ADAMTS19: variants seen among roughly 807,000 people sequenced by gnomAD.
ADAMTS19 encodes ADAM metallopeptidase with thrombospondin type 1 motif 19.
A neutral mutation model predicts 153.3 loss-of-function variants in ADAMTS19; 93 were observed. The observed-to-expected ratio is 0.61, with a 90% CI of 0.51 to 0.72. ADAMTS19 has a LOEUF of 0.72. Ranked by LOEUF, ADAMTS19 falls within the 30% of genes least tolerant of loss-of-function variation. The pLI is 0.00. For synonymous variants in ADAMTS19, 600 were observed against 556.6 expected (o/e 1.08, Z -1.10); for missense variants, 1,482 against 1,552.1 (o/e 0.95, Z 0.76).
intron 3 of ADAMTS19, among the ~76,000 whole-genome samples, chr5:129,520,995 G>A (rs1188286575): frequency 1.3e-5 from 2 of 152,056 alleles, no homozygotes; most frequent in African/African-American, 2.4e-5. Context: ...TATTTTATAT[G>A]CTTATAGCTT....
chr5:129,633,212 AAAGTTTC>A (rs74821809), intron 10 of ADAMTS19, among the ~76,000 whole-genome samples: 24,807 of 152,008 alleles, frequency 0.16, 2,254 homozygotes, highest in East Asian at 0.31. Context: ...ATCTAAAGTG[AAAGTTTC>A]AATTTACTTT....
At chr5:129,668,337 T>C (rs1419820003) in intron 16 of ADAMTS19, among the ~76,000 whole-genome samples, 1 of 152,214 alleles carries the variant, frequency 6.6e-6, no homozygotes, top group African/African-American at 2.4e-5. Context: ...ATCTAGTTTG[T>C]TTGTGCTGCT....
At chr5:129,568,093 A>G (rs1753775875) in intron 7 of ADAMTS19, among the ~76,000 whole-genome samples, 1 of 152,318 alleles carries the variant, frequency 6.6e-6, no homozygotes, top group South Asian at 2.1e-4. Flanking sequence ...AAGAAAAACT[A>G]AGAGAATTCA....
At chr5:129,703,218 GA>G (rs1351420276) in intron 20 of ADAMTS19, among the ~76,000 whole-genome samples, 1 of 150,368 alleles carries the variant, frequency 6.7e-6, no homozygotes, top group Admixed American at 6.7e-5. Flanking sequence ...TAGACAACAG[GA>G]ATACTTCATA....
intron 15 of ADAMTS19, among the ~76,000 whole-genome samples, chr5:129,661,835 G>A (rs1753826652): frequency 6.6e-6 from 1 of 152,160 alleles, no homozygotes; most frequent in African/African-American, 2.4e-5. Flanking sequence ...GTATAAGGAG[G>A]ACATGCTGTA....
chr5:129,694,712 C>G lies in ADAMTS19; in HGVS notation c.2819-8C>G. The G allele has an allele frequency of 1.3e-6, 2 of 1,542,102 alleles. No individual in the cohort carries two copies. Among genetic ancestry groups the G allele is most frequent in the Non-Finnish European group, 1.8e-6 (2 of 1,142,832 alleles). On this transcript the variant is annotated splice_region_variant and splice_polypyrimidine_tract_variant and intron_variant, in intron 18 of 22. Coordinates refer to ENST00000274487, the MANE Select transcript of ADAMTS19 (RefSeq NM_133638.6). ...AATAATATTTCTTTGTTTATTTGTT[C>G]TTTTCAGGAGAAAGGAAGACAACAG... is the stretch of plus-strand genomic sequence containing the variant.
Position 129,461,473 on chromosome 5 carries a change from C to A in ADAMTS19, c.463C>A (p.Pro155Thr), listed in dbSNP as rs906026180. The change falls in exon 2 of 23, where the codon CCC (proline) becomes ACC (threonine). Residue 155 changes from proline to threonine, a missense_variant. Physicochemically the swap from Pro to Thr is conservative, Grantham distance 38. Transcript: ENST00000274487. The surrounding 1 kb of genome is among the most constrained non-coding windows in gnomAD (Gnocchi z 4.6). ...SWQPPPPPQP[P>T]PSPPPAQHAE... ...GCAGCCGCCGCCTCCCCCGCAGCCG[C>A]CCCCGTCCCCGCCCCCGGCCCAGCA... is the stretch of plus-strand genomic sequence containing the variant. 3 of 1,474,090 alleles carry A rather than the reference C, an allele frequency of 2.0e-6. No individual in the cohort carries two copies. The highest frequency in any genetic ancestry group is 2.7e-6 in the Non-Finnish European group (3 of 1,121,776). The allele number at this position is 1,474,090 out of a possible 1,614,324, so 91.3% of individuals were successfully genotyped here.
In ADAMTS19 at chr5:129,679,775, G is replaced by T. The variant is rs768694128; in HGVS notation, c.2518G>T (p.Ala840Ser). ...PAHSYLALRDAGKQSINSDWK... is the reference protein window; with the variant it reads ...PAHSYLALRDSGKQSINSDWK... The stretch of plus-strand genomic sequence containing the variant: ...GAACCTCTTTATAGCTCTCCGAGAT[G>T]CTGGCAAACAGTCTATTAATAGTGA... The change falls in exon 17 of 23, where the codon GCT becomes TCT. Residue 840 changes from alanine (A) to serine (S), a missense_variant. Physicochemically the swap from Ala to Ser is moderately conservative, Grantham distance 99 (BLOSUM62 1). This residue lies in a region of ADAMTS19 where 616 missense variants were observed against 724.4 expected (regional missense o/e 0.85). Transcript: ENST00000274487. 1.2e-6 allele frequency: 2 copies of T among 1,610,368 alleles called. No homozygotes were observed. Among genetic ancestry groups the T allele is most frequent in the Non-Finnish European group, 1.7e-6 (2 of 1,178,632 alleles).
At chr5:129,471,168 C>T (rs7733098) in intron 2 of ADAMTS19, among the ~76,000 whole-genome samples, 61,359 of 151,310 alleles carry the variant, frequency 0.41, 15,656 homozygotes, top group African/African-American at 0.73. Context: ...GGCTTCCAGA[C>T]TGAATGACAA....
At chr5:129,694,677 A>G in intron 18 of ADAMTS19, 43 bp from the exon 19 acceptor site, 1 of 1,420,246 alleles carries the variant, frequency 7.0e-7, no homozygotes, top group Non-Finnish European at 9.3e-7. Flanking sequence ...TCCATTACAT[A>G]AAGGCTTATA....
rs190938733 is a variant in ADAMTS19, at chr5:129,731,364, A to T, written c.3313-3568A>T. On this transcript the variant is annotated intron_variant, in intron 21 of 22. Transcript: ENST00000274487. ...TTGCATGGAAATGATTAGTTTATAAAATAACAAATTGTTTTTAATAGGATG... is the reference window on the plus strand; with the variant it reads ...TTGCATGGAAATGATTAGTTTATAATATAACAAATTGTTTTTAATAGGATG... Among the ~76,000 whole-genome samples, 217 of 152,252 alleles carry T rather than the reference A, an allele frequency of 1.4e-3. 1 individual carries two copies. The highest frequency in any genetic ancestry group is 6.8e-3 in the Middle Eastern group (2 of 294).
chr5:129,665,212 T>C (rs1753990027), intron 15 of ADAMTS19, among the ~76,000 whole-genome samples: 1 of 152,108 alleles, frequency 6.6e-6, no homozygotes, highest in African/African-American at 2.4e-5. Flanking sequence ...CACTGGGTTT[T>C]TTTTTTTCCC....
intron 3 of ADAMTS19, among the ~76,000 whole-genome samples, chr5:129,515,930 T>C (rs1243213110): frequency 1.3e-5 from 2 of 151,896 alleles, no homozygotes; most frequent in African/African-American, 4.8e-5. Flanking sequence ...GCCTGTGGCG[T>C]ATGATTTTTA....
chr5:129,584,380 C>A (rs1172398474), intron 7 of ADAMTS19, among the ~76,000 whole-genome samples: 1 of 152,180 alleles, frequency 6.6e-6, no homozygotes, highest in Admixed American at 6.5e-5. Context: ...GGGTCAGGGA[C>A]CCACTTGAGG....
At chr5:129,462,849 A>T (rs959467475) in intron 2 of ADAMTS19, among the ~76,000 whole-genome samples, 1 of 152,182 alleles carries the variant, frequency 6.6e-6, no homozygotes, top group Non-Finnish European at 1.5e-5. Context: ...CCACTGAGAA[A>T]TCCACAAGAA....
chr5:129,702,761 T>C (rs1755938089), intron 20 of ADAMTS19, among the ~76,000 whole-genome samples: 1 of 151,710 alleles, frequency 6.6e-6, no homozygotes, highest in Non-Finnish European at 1.5e-5. Context: ...CAAAACATTT[T>C]TGCAAACTCT....
intron 8 of ADAMTS19, among the ~76,000 whole-genome samples, chr5:129,611,802 A>T (rs558323347): frequency 9.2e-5 from 14 of 152,150 alleles, no homozygotes; most frequent in African/African-American, 3.4e-4. Flanking sequence ...CAAATTCACC[A>T]AAGTTGAAAT....
At chr5:129,479,127 A>C (rs961435860) in intron 2 of ADAMTS19, among the ~76,000 whole-genome samples, 1 of 152,182 alleles carries the variant, frequency 6.6e-6, no homozygotes, top group Middle Eastern at 3.4e-3. Flanking sequence ...CTAGAGGTGA[A>C]ATTTAAAGCC....
intron 7 of ADAMTS19, among the ~76,000 whole-genome samples, chr5:129,570,567 C>A: frequency 6.6e-6 from 1 of 150,538 alleles, no homozygotes; most frequent in Admixed American, 6.6e-5. Context: ...TTTCAAAAAA[C>A]AAATGTCAAG....
Sources: gnomAD v4.1 joint callset for allele counts (sites outside exome capture counted in the v4.1 genomes callset) on GRCh38, gnomAD v4.1.1 for gene constraint, gnomAD v4.1.1 regional missense constraint, Gnocchi (gnomAD v3.1) non-coding constraint, MANE v1.5 for transcripts, NCBI Gene and HGNC (gene_info 2026-07-23, HGNC 2026-07-21) for gene names.